PRKCE: variants seen among roughly 807,000 people sequenced by gnomAD.
PRKCE encodes protein kinase C epsilon, also known as protein kinase C epsilon type.
Under a neutral mutation model 85.4 loss-of-function variants are expected in PRKCE, and 16 were observed. That is an observed-to-expected ratio of 0.19 (90% CI 0.13 to 0.28). The LOEUF (loss-of-function observed/expected upper bound fraction) is 0.28, where lower values mean the gene tolerates loss of function less well. Ranked by LOEUF, PRKCE falls within the 10% of genes least tolerant of loss-of-function variation. The probability of loss-of-function intolerance (pLI) is 1.00; values close to 1 mark genes in which losing one functional copy is unlikely to be tolerated. For synonymous variants in PRKCE, 388 were observed against 371.5 expected (o/e 1.04, Z -0.51); for missense variants, 573 against 975.2 (o/e 0.59, Z 5.49).
Position 45,884,992 on chromosome 2 carries a change from TATATA to T in PRKCE, c.412+41930_412+41934del, listed in dbSNP as rs1558793352. On this transcript the variant is annotated intron_variant, in intron 2 of 14. Coordinates refer to ENST00000306156, the MANE Select transcript of PRKCE (RefSeq NM_005400.3). ...ATATATATATATATATATATATATA[TATATA>T]TATATTTGTTGTTGTTGTTGTTGTT... 1.0e-3 allele frequency among the ~76,000 whole-genome samples: 74 copies of T among 71,830 alleles called. 2 individuals are homozygous for T. The highest frequency in any genetic ancestry group is 1.6e-3 in the East Asian group (1 of 612). 47.1% of individuals were successfully genotyped at this position (71,830 alleles called of 152,430 possible).
chr2:45,717,307 C>T (rs1365573966), intron 1 of PRKCE, among the ~76,000 whole-genome samples: 1 of 152,214 alleles, frequency 6.6e-6, no homozygotes, highest in Non-Finnish European at 1.5e-5. Context: ...GGTTAAAGAG[C>T]AGCACTTAGA....
intron 1 of PRKCE, among the ~76,000 whole-genome samples, chr2:45,789,383 G>C (rs150835572): frequency 6.6e-4 from 100 of 152,280 alleles, no homozygotes; most frequent in African/African-American, 2.3e-3. Flanking sequence ...TTCTTTCACT[G>C]TGCTAATGTG....
At chr2:45,985,138 C>A (rs766490860) in intron 6 of PRKCE, among the ~76,000 whole-genome samples, 42 of 152,138 alleles carry the variant, frequency 2.8e-4, no homozygotes, top group Non-Finnish European at 5.6e-4. Context: ...CTTGCTGACT[C>A]GTCACCAGCT....
chr2:46,091,488 G>A (rs1670165467), intron 11 of PRKCE, among the ~76,000 whole-genome samples: 1 of 152,192 alleles, frequency 6.6e-6, no homozygotes, highest in African/African-American at 2.4e-5. Context: ...GCCTGGGAAT[G>A]GAGTTGAAGG....
chr2:46,181,299 T>C (rs1679952118), intron 14 of PRKCE, among the ~76,000 whole-genome samples: 2 of 152,174 alleles, frequency 1.3e-5, no homozygotes. Flanking sequence ...CAGTTAGAGA[T>C]TGCACATAGT....
At position 46,148,211 on chromosome 2, in the gene PRKCE, G is replaced by GCCTTCTC. The variant is rs59270659; in HGVS notation, c.1732-2813_1732-2807dup. ...TGGTAATAGCATCATCAGGGCCAAT[G>GCCTTCTC]CCTTCTCCCTTCTCCCTTCTCCCGA... On this transcript the variant is annotated intron_variant, in intron 12 of 14. Coordinates refer to ENST00000306156, the MANE Select transcript of PRKCE (RefSeq NM_005400.3). Among the ~76,000 whole-genome samples, 1,048 of 152,300 alleles carry GCCTTCTC rather than the reference G, an allele frequency of 6.9e-3. 11 individuals are homozygous for GCCTTCTC. The highest frequency in any genetic ancestry group is 0.024 in the African/African-American group (1,016 of 41,562).
chr2:45,801,873 G>A (rs1687893348), intron 1 of PRKCE, among the ~76,000 whole-genome samples: 1 of 152,108 alleles, frequency 6.6e-6, no homozygotes, highest in Non-Finnish European at 1.5e-5. Flanking sequence ...TCCTAGCCTT[G>A]CTGCTGGGGT....
intron 10 of PRKCE, among the ~76,000 whole-genome samples, chr2:46,025,445 ACTG>A (rs1707029917): frequency 6.6e-6 from 1 of 152,202 alleles, no homozygotes; most frequent in African/African-American, 2.4e-5. Context: ...TGTTCAAAGA[ACTG>A]CTGGTCCACC....
intron 1 of PRKCE, among the ~76,000 whole-genome samples, chr2:45,701,123 A>C (rs1678606554): frequency 6.6e-6 from 1 of 152,184 alleles, no homozygotes; most frequent in East Asian, 1.9e-4. Context: ...AAGGACAAAG[A>C]AGGATTGTGT....
At chr2:45,778,172 T>C (rs767370743) in intron 1 of PRKCE, among the ~76,000 whole-genome samples, 1 of 152,264 alleles carries the variant, frequency 6.6e-6, no homozygotes, top group African/African-American at 2.4e-5. Flanking sequence ...GGGTGGAGTT[T>C]AAGCCAATTG....
At chr2:45,817,099 GT>G (rs1192585507) in intron 1 of PRKCE, among the ~76,000 whole-genome samples, 2 of 151,420 alleles carry the variant, frequency 1.3e-5, no homozygotes, top group Non-Finnish European at 2.9e-5. Flanking sequence ...GTGTGTGTGT[GT>G]GTGTGTGTGT....
chr2:46,026,814 T>A (rs1454859188), intron 10 of PRKCE, among the ~76,000 whole-genome samples: 1 of 152,190 alleles, frequency 6.6e-6, no homozygotes, highest in Non-Finnish European at 1.5e-5. Flanking sequence ...ATGTAGCATA[T>A]TTCCATTTCT....
chr2:46,004,513 CCT>C lies in PRKCE; in HGVS notation c.967-26_967-25del, dbSNP rs755633006. On this transcript the variant is annotated intron_variant, in intron 7 of 14. Coordinates refer to ENST00000306156, the MANE Select transcript of PRKCE (RefSeq NM_005400.3). This position sits in a 1 kb window ranked among gnomAD's most constrained non-coding sequence, Gnocchi z 4.1. The stretch of plus-strand genomic sequence containing the variant: ...AAACTCTCAACCCTCCCTTCTGATG[CCT>C]CTGTCCCTGCTTTCTCTCCTCTCTA... 95 of 1,532,526 alleles carry C rather than the reference CCT, an allele frequency of 6.2e-5. No homozygotes were observed. Among genetic ancestry groups the C allele is most frequent in the Middle Eastern group, 3.3e-4 (2 of 5,980 alleles). 94.9% of individuals were successfully genotyped at this position (1,532,526 alleles called of 1,614,324 possible). A position where few individuals can be genotyped will look rare whatever the true frequency, so the allele number is the denominator to read the frequency against.
At chr2:46,178,226 C>T (rs1258985762) in intron 14 of PRKCE, among the ~76,000 whole-genome samples, 1 of 152,210 alleles carries the variant, frequency 6.6e-6, no homozygotes, top group Non-Finnish European at 1.5e-5. Context: ...TGCTATTGCA[C>T]TCCAGCCTGG....
At chr2:45,795,765 C>A (rs969151352) in intron 1 of PRKCE, among the ~76,000 whole-genome samples, 2 of 152,198 alleles carry the variant, frequency 1.3e-5, no homozygotes, top group African/African-American at 4.8e-5. Context: ...CCACTATGTT[C>A]TTTGCCCCTT....
chr2:45,888,417 C>T (rs975453249), intron 2 of PRKCE, among the ~76,000 whole-genome samples: 1 of 151,442 alleles, frequency 6.6e-6, no homozygotes, highest in African/African-American at 2.4e-5. Flanking sequence ...CACTGGAAAG[C>T]CTCATGCCTC....
At chr2:46,070,659 C>CA (rs1374026717) in intron 10 of PRKCE, among the ~76,000 whole-genome samples, 2 of 151,134 alleles carry the variant, frequency 1.3e-5, no homozygotes, top group African/African-American at 2.4e-5. Flanking sequence ...AAAACAAAAA[C>CA]AAAAACAAAG....
intron 10 of PRKCE, among the ~76,000 whole-genome samples, chr2:46,035,476 C>G (rs969118080): frequency 5.3e-5 from 8 of 152,248 alleles, no homozygotes; most frequent in Non-Finnish European, 1.2e-4. Flanking sequence ...CAGTCCCTGC[C>G]TGCTCCATCC....
Position 46,123,214 on chromosome 2 carries a change from C to CTTTT in PRKCE, c.1593-21853_1593-21850dup, listed in dbSNP as rs70937991. 4.8e-3 allele frequency among the ~76,000 whole-genome samples: 131 copies of CTTTT among 27,380 alleles called. 30 individuals are homozygous for CTTTT. Among genetic ancestry groups the CTTTT allele is most frequent in the African/African-American group, 9.9e-3 (78 of 7,914 alleles). 18.0% of individuals were successfully genotyped at this position (27,380 alleles called of 152,430 possible). A position where few individuals can be genotyped will look rare whatever the true frequency, so the allele number is the denominator to read the frequency against. ...AAGCTTTACAAAGGAAAACACTTGC[C>CTTTT]TTTTTTTTTTTTTTTTTTTTTTTTT... On this transcript the variant is annotated intron_variant, in intron 11 of 14. Transcript: ENST00000306156.
Sources: gnomAD v4.1 joint callset for allele counts (sites outside exome capture counted in the v4.1 genomes callset) on GRCh38, gnomAD v4.1.1 for gene constraint, Gnocchi (gnomAD v3.1) non-coding constraint, MANE v1.5 for transcripts, NCBI Gene and HGNC (gene_info 2026-07-23, HGNC 2026-07-21) for gene names.